Variants in KAZN observed in about 807,000 individuals in gnomAD.
KAZN encodes the protein kazrin.
In KAZN, 40 loss-of-function variants were observed where a neutral mutation model predicts 87.4. The observed-to-expected ratio is 0.46, with a 90% CI of 0.36 to 0.60. The LOEUF (loss-of-function observed/expected upper bound fraction) is 0.60, where lower values mean the gene tolerates loss of function less well. Among genes scored for constraint, KAZN ranks in the 20% least tolerant of loss-of-function variants. The pLI is 0.00. For synonymous variants in KAZN, 466 were observed against 458.3 expected (o/e 1.02, Z -0.22); for missense variants, 898 against 1,073.9 (o/e 0.84, Z 2.29).
At chr1:14,192,874 C>T (rs1354371521) in intron 2 of KAZN, among the ~76,000 whole-genome samples, 1 of 152,094 alleles carries the variant, frequency 6.6e-6, no homozygotes, top group Non-Finnish European at 1.5e-5. Context: ...ATTATTTGGA[C>T]ATTGGGTCTT....
chr1:14,979,921 C>T (rs1037632389), intron 2 of KAZN, among the ~76,000 whole-genome samples: 1 of 152,152 alleles, frequency 6.6e-6, no homozygotes, highest in African/African-American at 2.4e-5. Flanking sequence ...CAGAGTCTCG[C>T]TCTGTTGCCC....
intron 1 of KAZN, among the ~76,000 whole-genome samples, chr1:14,064,330 T>A (rs971473192): frequency 2.0e-5 from 3 of 152,052 alleles, no homozygotes; most frequent in Non-Finnish European, 4.4e-5. Flanking sequence ...GGGAAGACAG[T>A]ACATTTTGAT....
At chr1:14,471,723 G>A (rs1668464269) in intron 2 of KAZN, among the ~76,000 whole-genome samples, 1 of 152,198 alleles carries the variant, frequency 6.6e-6, no homozygotes, top group Non-Finnish European at 1.5e-5. Flanking sequence ...CACTTAGTCT[G>A]TATCTTGGGG....
At chr1:14,244,627 G>A (rs1042590810) in intron 2 of KAZN, among the ~76,000 whole-genome samples, 7 of 152,120 alleles carry the variant, frequency 4.6e-5, no homozygotes, top group Non-Finnish European at 1.0e-4. Context: ...GAGGTAGGGA[G>A]TGCTGGTGTG....
chr1:14,530,004 C>T (rs927351733), intron 2 of KAZN, among the ~76,000 whole-genome samples: 1 of 152,184 alleles, frequency 6.6e-6, no homozygotes, highest in African/African-American at 2.4e-5. Flanking sequence ...GGATCACAGA[C>T]TTCAGTGGCA....
chr1:14,138,478 C>G (rs190581525), intron 1 of KAZN, among the ~76,000 whole-genome samples: 2 of 152,220 alleles, frequency 1.3e-5, no homozygotes, highest in East Asian at 3.9e-4. Context: ...CATGTATCTC[C>G]CACGCCTGCA....
Position 14,320,218 on chromosome 1 carries a change from G to A in KAZN, c.249+139626G>A, listed in dbSNP as rs538059427. Among the ~76,000 whole-genome samples, 453 of 152,204 alleles carry A rather than the reference G, an allele frequency of 3.0e-3. 2 individuals carry two copies. Among genetic ancestry groups the A allele is most frequent in the Admixed American group, 6.2e-3 (95 of 15,276 alleles). Reference sequence around the variant, plus strand: ...TGGTAGAATGAGGAGGCAGGGAAGCGCAATATGTGATTACCGCACACAGAA... The same window carrying A: ...TGGTAGAATGAGGAGGCAGGGAAGCACAATATGTGATTACCGCACACAGAA... On this transcript the variant is annotated intron_variant, in intron 2 of 16. Transcript: ENST00000636203.
At chr1:14,579,220 A>G (rs1488131940) in intron 2 of KAZN, among the ~76,000 whole-genome samples, 1 of 152,160 alleles carries the variant, frequency 6.6e-6, no homozygotes, top group African/African-American at 2.4e-5. Flanking sequence ...TACCTACCTC[A>G]TGGAGTTGTT....
intron 1 of KAZN, among the ~76,000 whole-genome samples, chr1:13,977,849 T>A (rs1402396324): frequency 1.3e-5 from 2 of 152,146 alleles, no homozygotes; most frequent in African/African-American, 2.4e-5. Flanking sequence ...TTCTCTAGAC[T>A]GGGCACGGTG....
chr1:14,039,871 A>T (rs1641724637), intron 1 of KAZN, among the ~76,000 whole-genome samples: 1 of 152,254 alleles, frequency 6.6e-6, no homozygotes, highest in Non-Finnish European at 1.5e-5. Flanking sequence ...GCCTGTTTCC[A>T]ATCAATTCCA....
intron 1 of KAZN, among the ~76,000 whole-genome samples, chr1:14,891,136 G>C (rs578032748): frequency 1.9e-4 from 29 of 152,172 alleles, no homozygotes; most frequent in African/African-American, 6.7e-4. Context: ...GAGCCACCGC[G>C]CCTGGCAGGA....
intron 2 of KAZN, among the ~76,000 whole-genome samples, chr1:14,532,959 G>A (rs987640042): frequency 1.1e-4 from 17 of 152,220 alleles, no homozygotes; most frequent in Middle Eastern, 3.4e-3. Context: ...ATAGCAACAT[G>A]ATTTATAATC....
chr1:14,387,921 C>T (rs550787978), intron 2 of KAZN, among the ~76,000 whole-genome samples: 6 of 152,318 alleles, frequency 3.9e-5, no homozygotes, highest in South Asian at 4.1e-4. Context: ...GCCTCACTGC[C>T]GCTTTGCTGT....
intron 2 of KAZN, among the ~76,000 whole-genome samples, chr1:14,983,277 C>T (rs1196700156): frequency 6.6e-6 from 1 of 152,216 alleles, no homozygotes; most frequent in African/African-American, 2.4e-5. Context: ...CTCAGCTTAG[C>T]ACCTTCAGGA....
At chr1:14,358,982 G>A (rs1382408266) in intron 2 of KAZN, among the ~76,000 whole-genome samples, 1 of 152,134 alleles carries the variant, frequency 6.6e-6, no homozygotes, top group Non-Finnish European at 1.5e-5. Context: ...GGATATCCTT[G>A]TTAATTTTCT....
chr1:14,151,106 G>C (rs947221194), intron 1 of KAZN, among the ~76,000 whole-genome samples: 2 of 152,072 alleles, frequency 1.3e-5, no homozygotes, highest in Non-Finnish European at 2.9e-5. Context: ...TCTTATAAAA[G>C]TTTCACATGC....
At chr1:15,078,359 C>T (rs1031241553) in intron 8 of KAZN, among the ~76,000 whole-genome samples, 1 of 151,928 alleles carries the variant, frequency 6.6e-6, no homozygotes, top group Non-Finnish European at 1.5e-5. Context: ...GAGCCGAGAT[C>T]GTGCCACTGT....
chr1:13,920,095 C>T (rs974019755), intron 1 of KAZN, among the ~76,000 whole-genome samples: 46 of 151,988 alleles, frequency 3.0e-4, no homozygotes, highest in Non-Finnish European at 3.4e-4. Context: ...ACTAAAAATA[C>T]AAAAATTAGT....
At chr1:14,523,522 C>G (rs1368376079) in intron 2 of KAZN, among the ~76,000 whole-genome samples, 1 of 152,228 alleles carries the variant, frequency 6.6e-6, no homozygotes, top group Non-Finnish European at 1.5e-5. Flanking sequence ...GCAAATGTCA[C>G]AAAGTCATGA....
Sources: gnomAD v4.1 joint callset for allele counts (sites outside exome capture counted in the v4.1 genomes callset) on GRCh38, gnomAD v4.1.1 for gene constraint, MANE v1.5 for transcripts, NCBI Gene and HGNC (gene_info 2026-07-23, HGNC 2026-07-21) for gene names.